The following FTO variants were observed in gnomAD, a reference collection of about 807,000 sequenced individuals.
FTO encodes FTO alpha-ketoglutarate dependent dioxygenase.
A neutral mutation model predicts 63.9 loss-of-function variants in FTO; 47 were observed. The observed-to-expected ratio is 0.74, with a 90% CI of 0.58 to 0.94. The LOEUF is 0.94. FTO is among the 40% of genes least tolerant of loss of function. The probability of loss-of-function intolerance (pLI) is 0.00; values close to 1 mark genes in which losing one functional copy is unlikely to be tolerated. For missense variants in FTO, 562 were observed against 618.1 expected (o/e 0.91, Z 0.96); for synonymous variants, 207 against 224.4 (o/e 0.92, Z 0.69).
At chr16:53,815,824 T>A (rs191416898) in intron 2 of FTO, among the ~76,000 whole-genome samples, 1 of 151,488 alleles carries the variant, frequency 6.6e-6, no homozygotes, top group East Asian at 2.0e-4. Context: ...AATTTTTGTA[T>A]TTTTAGTAGA....
In FTO at chr16:54,041,323, T is replaced by A. The variant is rs150336068; in HGVS notation, c.1365-70439T>A. On this transcript the variant is annotated intron_variant, in intron 8 of 8. Coordinates refer to ENST00000471389, the MANE Select transcript of FTO (RefSeq NM_001080432.3). ...ACCATCAGATCTCGTGAGAACTCCC[T>A]CATTATCACGAGAACAGCATGGGGG... is the stretch of plus-strand genomic sequence containing the variant. 3.8e-3 allele frequency among the ~76,000 whole-genome samples: 573 copies of A among 152,106 alleles called. 5 individuals carry two copies. The highest frequency in any genetic ancestry group is 0.013 in the African/African-American group (543 of 41,488).
intron 1 of FTO, among the ~76,000 whole-genome samples, chr16:53,799,654 C>G (rs1307307438): frequency 1.3e-5 from 2 of 152,140 alleles, no homozygotes; most frequent in Non-Finnish European, 2.9e-5. Context: ...CTCCAGAGTC[C>G]TCATCCTCTG....
intron 8 of FTO, among the ~76,000 whole-genome samples, chr16:54,093,649 A>G (rs2086448772): frequency 6.6e-6 from 1 of 152,214 alleles, no homozygotes; most frequent in Non-Finnish European, 1.5e-5. Flanking sequence ...AGACTCCTCT[A>G]TAATGACATT....
At chr16:53,964,633 T>C (rs931213381) in intron 8 of FTO, among the ~76,000 whole-genome samples, 1 of 152,258 alleles carries the variant, frequency 6.6e-6, no homozygotes, top group Admixed American at 6.5e-5. Context: ...CAAATTGCAG[T>C]GAATTTATCC....
At chr16:53,742,109 T>C (rs1598541828) in intron 1 of FTO, among the ~76,000 whole-genome samples, 1 of 152,268 alleles carries the variant, frequency 6.6e-6, no homozygotes, top group East Asian at 1.9e-4. Context: ...ACTTCTGCGG[T>C]ATTCTGTTTG....
intron 8 of FTO, among the ~76,000 whole-genome samples, chr16:53,945,697 T>C (rs1421514079): frequency 2.0e-5 from 3 of 152,222 alleles, no homozygotes; most frequent in Non-Finnish European, 4.4e-5. Context: ...CTTTATATGC[T>C]CTGTCATTTC....
chr16:53,889,251 C>G (rs991220565), intron 7 of FTO, among the ~76,000 whole-genome samples: 2 of 152,138 alleles, frequency 1.3e-5, no homozygotes, highest in African/African-American at 4.8e-5. Flanking sequence ...TTATATGCAT[C>G]AGGTGCTACT....
Position 54,116,264 on chromosome 16 carries a change from C to G in FTO, c.*4349C>G, listed in dbSNP as rs1339117835. On this transcript the variant is annotated 3_prime_UTR_variant, in exon 9 of 9. Transcript: ENST00000471389. ...GCTCTAGTTAGGGCTGATTTTACCA[C>G]TGGGCAAATTGCATACATTTGGATC... is the stretch of plus-strand genomic sequence containing the variant. The G allele has an allele frequency of 4.6e-5, 7 of 151,756 alleles. No individual in the cohort carries two copies. The allele number at this position is 151,756 out of a possible 1,614,324, so 9.4% of individuals were successfully genotyped here.
At chr16:53,784,301 A>G (rs1324593011) in intron 1 of FTO, among the ~76,000 whole-genome samples, 1 of 152,164 alleles carries the variant, frequency 6.6e-6, no homozygotes, top group Non-Finnish European at 1.5e-5. Context: ...TAAACATCAA[A>G]TAAATAACCT....
intron 8 of FTO, among the ~76,000 whole-genome samples, chr16:53,974,006 A>G (rs78487430): frequency 0.026 from 3,992 of 152,290 alleles, 149 homozygotes; most frequent in African/African-American, 0.086. Flanking sequence ...TTTTCAAGTA[A>G]AGCCAGAAAT....
At position 53,934,216 on chromosome 16, in the gene FTO, G is replaced by A. The variant is rs1268865316; in HGVS notation, c.1364+107G>A. 12 of 1,219,114 alleles carry A rather than the reference G, an allele frequency of 9.8e-6. No homozygotes were observed. In the East Asian group the frequency reaches 2.6e-4, roughly 26 times the overall value. 75.5% of individuals were successfully genotyped at this position (1,219,114 alleles called of 1,614,324 possible). Reference sequence around the variant, plus strand: ...TCATCCCTTTCCTTTGAGGGCCCATGAAAAATAAGCACGTTTAAGATGCTT... The same window carrying A: ...TCATCCCTTTCCTTTGAGGGCCCATAAAAAATAAGCACGTTTAAGATGCTT... On this transcript the variant is annotated intron_variant, in intron 8 of 8. Transcript: ENST00000471389.
At chr16:53,855,493 C>T (rs2079959712) in intron 4 of FTO, among the ~76,000 whole-genome samples, 1 of 151,844 alleles carries the variant, frequency 6.6e-6, no homozygotes, top group Admixed American at 6.6e-5. Context: ...ATGGCTGGTG[C>T]TTACTAAGTA....
At chr16:53,818,425 A>C (rs868410503) in intron 2 of FTO, among the ~76,000 whole-genome samples, 7 of 152,130 alleles carry the variant, frequency 4.6e-5, no homozygotes, top group African/African-American at 1.7e-4. Context: ...ATTTTTGACC[A>C]TTTAGAGCCA....
At position 53,876,495 on chromosome 16, in the gene FTO, A is replaced by C. The variant is rs769806894; in HGVS notation, c.975+2630A>C. ...AAAGGGTACCATAAAGAAAGTGTAG[A>C]GGACCCATGGAATGGGAGAAAATAT... On this transcript the variant is annotated intron_variant, in intron 5 of 8. Transcript: ENST00000471389. Among the ~76,000 whole-genome samples, 76 of 152,228 alleles carry C rather than the reference A, an allele frequency of 5.0e-4. 1 individual carries two copies. Among genetic ancestry groups the C allele is most frequent in the Non-Finnish European group, 7.3e-4 (50 of 68,034 alleles).
chr16:53,831,173 A>G (rs1306963799), intron 3 of FTO, among the ~76,000 whole-genome samples: 1 of 152,226 alleles, frequency 6.6e-6, no homozygotes, highest in Non-Finnish European at 1.5e-5. Context: ...AAGCTAGTTT[A>G]TAATTACAGC....
intron 8 of FTO, among the ~76,000 whole-genome samples, chr16:53,971,313 A>G (rs957640335): frequency 2.6e-5 from 4 of 152,236 alleles, no homozygotes; most frequent in Admixed American, 6.5e-5. Flanking sequence ...AAGTCAAAAG[A>G]TATGAACGTT....
chr16:54,085,864 G>A (rs753719774), intron 8 of FTO, among the ~76,000 whole-genome samples: 6 of 152,096 alleles, frequency 3.9e-5, no homozygotes, highest in Admixed American at 3.9e-4. Context: ...TTGTTGAAAG[G>A]GTCTAGAGGT....
intron 8 of FTO, among the ~76,000 whole-genome samples, chr16:53,980,352 A>G (rs1310705237): frequency 2.6e-5 from 4 of 152,216 alleles, no homozygotes; most frequent in African/African-American, 9.6e-5. Context: ...ATGGCTGGAA[A>G]GAGACCTGTT....
At chr16:53,927,279 G>A (rs1481467646) in intron 7 of FTO, among the ~76,000 whole-genome samples, 2 of 152,138 alleles carry the variant, frequency 1.3e-5, no homozygotes, top group African/African-American at 4.8e-5. Flanking sequence ...TATAGGCAGT[G>A]CAGGAAAGGA....
Sources: gnomAD v4.1 joint callset for allele counts (sites outside exome capture counted in the v4.1 genomes callset) on GRCh38, gnomAD v4.1.1 for gene constraint, MANE v1.5 for transcripts, NCBI Gene and HGNC (gene_info 2026-07-23, HGNC 2026-07-21) for gene names.